The following TGFBR3 variants were observed in gnomAD, a reference collection of about 807,000 sequenced individuals.
The protein encoded by TGFBR3 is transforming growth factor beta receptor 3, also known as transforming growth factor beta receptor type 3.
A neutral mutation model predicts 87.9 loss-of-function variants in TGFBR3; 46 were observed. The observed-to-expected ratio is 0.52, with a 90% confidence interval of 0.41 to 0.67. The LOEUF (loss-of-function observed/expected upper bound fraction) is 0.67. Among genes scored for constraint, TGFBR3 ranks in the 30% least tolerant of loss-of-function variants. TGFBR3 has a pLI of 0.00. For synonymous variants in TGFBR3, 381 were observed against 391.6 expected, an observed-to-expected ratio of 0.97 and a Z score of 0.32; for missense variants, 866 against 1,041.9, an observed-to-expected ratio of 0.83 and a Z score of 2.32.
chr1:91,681,319 T>A lies in TGFBR3; in HGVS notation c.*2420A>T, dbSNP rs1670900699. On this transcript the variant is annotated 3_prime_UTR_variant, in exon 17 of 17. Transcript: ENST00000212355. Reference sequence around the variant, plus strand: ...ATTCACTCTCCAATATGAGATTAGGTTTTATCGACACAGATTTCTTGATCT... The same window carrying A: ...ATTCACTCTCCAATATGAGATTAGGATTTATCGACACAGATTTCTTGATCT... 2.2e-6 allele frequency: 1 copy of A among 445,040 alleles called. No individual in the cohort carries two copies. The highest frequency in any genetic ancestry group is 4.5e-6 in the Non-Finnish European group (1 of 224,526). The allele number at this position is 445,040 out of a possible 1,614,324, so 27.6% of individuals were successfully genotyped here. A position where few individuals can be genotyped will look rare whatever the true frequency, so the allele number is the denominator to read the frequency against.
intron 3 of TGFBR3, among the ~76,000 whole-genome samples, chr1:91,793,958 C>T (rs747481209): frequency 1.3e-5 from 2 of 151,946 alleles, no homozygotes; most frequent in Non-Finnish European, 2.9e-5. Flanking sequence ...TTGAAAATAA[C>T]AAAAAGCATT....
intron 4 of TGFBR3, among the ~76,000 whole-genome samples, chr1:91,740,216 C>T (rs971655231): frequency 1.3e-5 from 2 of 149,888 alleles, no homozygotes; most frequent in African/African-American, 4.9e-5. Context: ...TGTGCCACCA[C>T]ATCCGGCTAA....
intron 3 of TGFBR3, among the ~76,000 whole-genome samples, chr1:91,790,971 T>C (rs2100990874): frequency 6.6e-6 from 1 of 152,238 alleles, no homozygotes; most frequent in South Asian, 2.1e-4. Context: ...AAGGTGTTCG[T>C]GTATTAATAT....
intron 2 of TGFBR3, among the ~76,000 whole-genome samples, chr1:91,809,858 C>A (rs920008788): frequency 1.3e-5 from 2 of 152,178 alleles, no homozygotes; most frequent in Non-Finnish European, 2.9e-5. Context: ...ATTATGAACA[C>A]CTGGTCACTG....
At chr1:91,888,645 T>C (rs1243839581), upstream of TGFBR3, among the ~76,000 whole-genome samples, 1 of 152,092 alleles carries the variant, frequency 6.6e-6, no homozygotes, top group South Asian at 2.1e-4. Flanking sequence ...GAGGTTGCAG[T>C]GAGCTGAGAT....
intron 5 of TGFBR3, among the ~76,000 whole-genome samples, chr1:91,733,562 C>T (rs918338431): frequency 3.9e-5 from 6 of 152,190 alleles, no homozygotes; most frequent in Admixed American, 1.3e-4. Flanking sequence ...CCACCCTTCC[C>T]TGTCTTGTCT....
Position 91,680,502 on chromosome 1 carries a change from G to C in TGFBR3, c.*3237C>G, listed in dbSNP as rs995526681. ...CAAACTGGCCACAGGGATTTTAAGG[G>C]TACTCGTTTTACCCTCATAGATGAT... On this transcript the variant is annotated 3_prime_UTR_variant, in exon 17 of 17. Coordinates refer to ENST00000212355, the MANE Select transcript of TGFBR3 (RefSeq NM_003243.5). 4 of 454,010 alleles carry C rather than the reference G, an allele frequency of 8.8e-6. No homozygotes were observed. 28.1% of individuals were successfully genotyped at this position (454,010 alleles called of 1,614,324 possible).
chr1:91,789,625 C>T (rs1412187506), intron 3 of TGFBR3, among the ~76,000 whole-genome samples: 1 of 152,182 alleles, frequency 6.6e-6, no homozygotes, highest in East Asian at 1.9e-4. Flanking sequence ...TTGCTATTAC[C>T]TCTCTGATTT....
intron 3 of TGFBR3, among the ~76,000 whole-genome samples, chr1:91,766,202 T>C (rs997713133): frequency 2.7e-5 from 4 of 145,510 alleles, no homozygotes; most frequent in East Asian, 2.0e-4. Context: ...TGTTTTCTTT[T>C]TTTTTTTTTT....
intron 2 of TGFBR3, among the ~76,000 whole-genome samples, chr1:91,857,933 CCAAA>C (rs1403203422): frequency 6.6e-6 from 1 of 152,168 alleles, no homozygotes; most frequent in Non-Finnish European, 1.5e-5. Context: ...ACCATTCTTT[CCAAA>C]CAAATGATTT....
At chr1:91,796,497 A>C (rs994506423) in intron 3 of TGFBR3, among the ~76,000 whole-genome samples, 2 of 152,200 alleles carry the variant, frequency 1.3e-5, no homozygotes, top group East Asian at 1.9e-4. Flanking sequence ...CTAGATAGTG[A>C]TAAGGAGCTA....
At chr1:91,693,783 C>A (rs1208585491) in intron 16 of TGFBR3, among the ~76,000 whole-genome samples, 3 of 152,238 alleles carry the variant, frequency 2.0e-5, no homozygotes, top group Non-Finnish European at 4.4e-5. Context: ...AGGCTGCCAA[C>A]AGCCCTAGAA....
At chr1:91,742,097 C>G (rs1473298767) in intron 4 of TGFBR3, among the ~76,000 whole-genome samples, 1 of 152,168 alleles carries the variant, frequency 6.6e-6, no homozygotes, top group African/African-American at 2.4e-5. Flanking sequence ...TCTATCCTAC[C>G]TTGCTCCCAT....
chr1:91,813,177 A>C (rs1298869104), intron 2 of TGFBR3, among the ~76,000 whole-genome samples: 1 of 152,188 alleles, frequency 6.6e-6, no homozygotes, highest in African/African-American at 2.4e-5. Flanking sequence ...ACCTGCTGTA[A>C]AACTGATACT....
chr1:91,682,027 G>A lies in TGFBR3; in HGVS notation c.*1712C>T. On this transcript the variant is annotated 3_prime_UTR_variant, in exon 17 of 17. Coordinates refer to ENST00000212355, the MANE Select transcript of TGFBR3 (RefSeq NM_003243.5). ...ATCTCAGCCCTAAAGTAATGTTTTA[G>A]TTAAAATGTTCCTTATTGAAAAAAA... is the stretch of plus-strand genomic sequence containing the variant. The A allele has an allele frequency of 2.2e-6, 1 of 453,274 alleles. No individual in the cohort carries two copies. The highest frequency in any genetic ancestry group is 4.4e-6 in the Non-Finnish European group (1 of 226,624). The allele number at this position is 453,274 out of a possible 1,614,324, so 28.1% of individuals were successfully genotyped here. A position where few individuals can be genotyped will look rare whatever the true frequency, so the allele number is the denominator to read the frequency against.
In TGFBR3 at chr1:91,744,953, T is replaced by C. The variant is rs114512301; in HGVS notation, c.385-9994A>G. 4.0e-3 allele frequency among the ~76,000 whole-genome samples: 616 copies of C among 152,134 alleles called. 4 individuals are homozygous for C. The highest frequency in any genetic ancestry group is 0.014 in the African/African-American group (581 of 41,500). On this transcript the variant is annotated intron_variant, in intron 4 of 16. Coordinates refer to ENST00000212355, the MANE Select transcript of TGFBR3 (RefSeq NM_003243.5). ...AATAAGAGAAACCATAGCTCCCCAA[T>C]GATAATGAAAAAGCCTGTTGAGATC...
chr1:91,741,471 C>T (rs923134987), intron 4 of TGFBR3, among the ~76,000 whole-genome samples: 45 of 152,052 alleles, frequency 3.0e-4, no homozygotes, highest in African/African-American at 1.1e-3. Flanking sequence ...TCTAGGGAGC[C>T]TTCATTCCAC....
Position 91,800,326 on chromosome 1 carries a change from GTA to G in TGFBR3, c.62-2857_62-2856del, listed in dbSNP as rs149117181. Among the ~76,000 whole-genome samples the G allele has an allele frequency of 3.6e-3, 497 of 136,888 alleles. 1 individual carries two copies. The highest frequency in any genetic ancestry group is 0.01 in the African/African-American group (364 of 35,214). 89.8% of individuals were successfully genotyped at this position (136,888 alleles called of 152,430 possible). On this transcript the variant is annotated intron_variant, in intron 2 of 16. Coordinates refer to ENST00000212355, the MANE Select transcript of TGFBR3 (RefSeq NM_003243.5). Reference sequence around the variant, plus strand: ...TGCATGCATATATGTATATATATGTGTATATGTGTGTGTGTGTGTGTGTGTGT... The same window carrying G: ...TGCATGCATATATGTATATATATGTGTATGTGTGTGTGTGTGTGTGTGTGT...
At chr1:91,840,431 T>C (rs1351195230) in intron 2 of TGFBR3, among the ~76,000 whole-genome samples, 4 of 149,250 alleles carry the variant, frequency 2.7e-5, no homozygotes, top group Non-Finnish European at 4.5e-5. Flanking sequence ...ATGCATGATT[T>C]TGTAATATCA....
Sources: gnomAD v4.1 joint callset for allele counts (sites outside exome capture counted in the v4.1 genomes callset) on GRCh38, gnomAD v4.1.1 for gene constraint, MANE v1.5 for transcripts, NCBI Gene and HGNC (gene_info 2026-07-23, HGNC 2026-07-21) for gene names.